PRLR: variants seen among roughly 807,000 people sequenced by gnomAD.
PRLR encodes hPRL receptor.
Under a neutral mutation model 40.2 loss-of-function variants are expected in PRLR, and 13 were observed. The observed-to-expected ratio is 0.32, with a 90% confidence interval of 0.21 to 0.51. The LOEUF is 0.51. Ranked by LOEUF, PRLR falls within the 20% of genes least tolerant of loss-of-function variation. The probability of loss-of-function intolerance (pLI) is 0.97; values close to 1 mark genes in which losing one functional copy is unlikely to be tolerated. For missense variants in PRLR, 656 were observed against 747.3 expected (o/e 0.88, Z 1.42); for synonymous variants, 269 against 278.7 (o/e 0.97, Z 0.35).
At chr5:35,192,037 G>A (rs1039137036) in intron 1 of PRLR, among the ~76,000 whole-genome samples, 51 of 152,266 alleles carry the variant, frequency 3.3e-4, no homozygotes, top group Middle Eastern at 3.4e-3. Flanking sequence ...CATGCAGGCC[G>A]TGGTCCAAGT....
At chr5:35,123,678 C>T (rs1773364308) in intron 1 of PRLR, among the ~76,000 whole-genome samples, 1 of 152,170 alleles carries the variant, frequency 6.6e-6, no homozygotes, top group Non-Finnish European at 1.5e-5. Flanking sequence ...AGTCAGGCTG[C>T]TTCTCTCTTT....
At chr5:35,138,860 A>T (rs181739152) in intron 1 of PRLR, among the ~76,000 whole-genome samples, 2 of 152,326 alleles carry the variant, frequency 1.3e-5, no homozygotes, top group East Asian at 3.9e-4. Flanking sequence ...CAAGAAAAAA[A>T]ATCTTCCAGT....
rs189401809 is a variant in PRLR at position 35,220,563 on chromosome 5, T to C, written c.-106+9705A>G. The stretch of plus-strand genomic sequence containing the variant: ...TTTATTGGGTTTTATTTATTGTTTG[T>C]TTTTAGTGTGGATATCTGTTTCCTC... On this transcript the variant is annotated intron_variant, in intron 1 of 9. Coordinates refer to ENST00000618457, the MANE Select transcript of PRLR (RefSeq NM_000949.7). Among the ~76,000 whole-genome samples, 520 of 152,314 alleles carry C rather than the reference T, an allele frequency of 3.4e-3. 4 individuals are homozygous for C. The highest frequency in any genetic ancestry group is 0.012 in the African/African-American group (505 of 41,558).
Position 35,064,963 on chromosome 5 carries a change from G to T in PRLR, c.*126C>A. ...GAGAAAGAGGCAAGTGGTTAAAAATGGAGCATGAAAGGAGCTGGGAGCTTT... is the reference window on the plus strand; with the variant it reads ...GAGAAAGAGGCAAGTGGTTAAAAATTGAGCATGAAAGGAGCTGGGAGCTTT... On this transcript the variant is annotated 3_prime_UTR_variant, in exon 10 of 10. Coordinates refer to ENST00000618457, the MANE Select transcript of PRLR (RefSeq NM_000949.7). The T allele has an allele frequency of 9.6e-7, 1 of 1,045,050 alleles. No homozygotes were observed. The highest frequency in any genetic ancestry group is 2.6e-5 in the East Asian group (1 of 39,210). The allele number at this position is 1,045,050 out of a possible 1,614,324, so 64.7% of individuals were successfully genotyped here.
intron 2 of PRLR, among the ~76,000 whole-genome samples, chr5:35,116,742 A>G (rs771074550): frequency 2.0e-5 from 3 of 152,170 alleles, no homozygotes; most frequent in African/African-American, 4.8e-5. Flanking sequence ...GGGCAGGGCT[A>G]TTATGCTGTG....
chr5:35,151,517 T>C (rs1288761417), intron 1 of PRLR, among the ~76,000 whole-genome samples: 2 of 152,186 alleles, frequency 1.3e-5, no homozygotes, highest in Non-Finnish European at 2.9e-5. Flanking sequence ...AGGTGGAGTC[T>C]GTCTCCTCTT....
intron 1 of PRLR, among the ~76,000 whole-genome samples, chr5:35,187,275 C>T (rs1452512462): frequency 2.0e-5 from 3 of 151,992 alleles, no homozygotes; most frequent in African/African-American, 7.3e-5. Flanking sequence ...ATGGTGCATG[C>T]CTGTATTCCC....
At chr5:35,152,837 C>A (rs1254282069) in intron 1 of PRLR, 1 of 152,170 alleles carries the variant, frequency 6.6e-6, no homozygotes, top group Non-Finnish European at 1.5e-5. Context: ...ATTTATTTCT[C>A]ACTCACAGCA....
intron 5 of PRLR, among the ~76,000 whole-genome samples, 195 bp from the exon 6 acceptor site, chr5:35,072,939 G>T (rs1036516660): frequency 5.9e-5 from 9 of 152,180 alleles, no homozygotes; most frequent in Admixed American, 2.0e-4. Flanking sequence ...TACAGATGAG[G>T]TTTACATGGT....
rs563473051 is a variant in PRLR, at chr5:35,097,396, A to T, written c.-43-7733T>A. On this transcript the variant is annotated intron_variant, in intron 2 of 9. Coordinates refer to ENST00000618457, the MANE Select transcript of PRLR (RefSeq NM_000949.7). ...TATTATTCCTTTCTAACAGATGAGG[A>T]CACTGAGGCCCAGAGACGGTCTGCG... Among the ~76,000 whole-genome samples, 3 of 152,322 alleles carry T rather than the reference A, an allele frequency of 2.0e-5. No individual in the cohort carries two copies. In the South Asian group the frequency reaches 6.2e-4, roughly 32 times the overall value.
intron 2 of PRLR, among the ~76,000 whole-genome samples, chr5:35,113,138 C>T (rs533806070): frequency 3.0e-4 from 46 of 151,158 alleles, no homozygotes; most frequent in Middle Eastern, 3.4e-3. Context: ...ATTTATCCAC[C>T]CACCCATTTA....
chr5:35,152,359 T>C (rs1774366099), intron 1 of PRLR, among the ~76,000 whole-genome samples: 1 of 152,232 alleles, frequency 6.6e-6, no homozygotes, highest in Non-Finnish European at 1.5e-5. Flanking sequence ...TATTGTGGGA[T>C]GATTTATGTT....
intron 5 of PRLR, 143 bp downstream of exon 5, chr5:35,084,327 G>C (rs926722731): frequency 2.5e-6 from 2 of 808,086 alleles, no homozygotes; most frequent in African/African-American, 3.6e-5. Flanking sequence ...GATTTGAACT[G>C]TTCTGTTGAC....
intron 1 of PRLR, among the ~76,000 whole-genome samples, chr5:35,154,900 C>T (rs187860053): frequency 2.2e-4 from 34 of 152,156 alleles, no homozygotes; most frequent in Non-Finnish European, 4.4e-4. Flanking sequence ...GAAAACCAAA[C>T]ACTACATGTT....
intron 1 of PRLR, among the ~76,000 whole-genome samples, chr5:35,225,929 G>A (rs1282531969): frequency 1.3e-5 from 2 of 152,138 alleles, no homozygotes; most frequent in Admixed American, 6.5e-5. Flanking sequence ...CAATCCACCC[G>A]CCTCGGCCTC....
chr5:35,051,894 A>C (rs2112323855), downstream of PRLR, among the ~76,000 whole-genome samples: 1 of 152,332 alleles, frequency 6.6e-6, no homozygotes, highest in Non-Finnish European at 1.5e-5. Flanking sequence ...TCCCAGGAAA[A>C]TCCAAATTAG....
intron 1 of PRLR, among the ~76,000 whole-genome samples, chr5:35,126,904 T>C (rs963108866): frequency 1.3e-5 from 2 of 152,166 alleles, no homozygotes; most frequent in African/African-American, 4.8e-5. Flanking sequence ...GAGAAAGAGA[T>C]GGGCTAAATA....
intron 1 of PRLR, among the ~76,000 whole-genome samples, chr5:35,211,285 A>T (rs1167776073): frequency 6.6e-6 from 1 of 152,082 alleles, no homozygotes; most frequent in Admixed American, 6.5e-5. Flanking sequence ...TCCTTGCTAT[A>T]GTCAAAAGGT....
intron 1 of PRLR, among the ~76,000 whole-genome samples, chr5:35,163,518 C>T (rs902202866): frequency 3.9e-5 from 6 of 152,178 alleles, no homozygotes; most frequent in Non-Finnish European, 8.8e-5. Flanking sequence ...GAAAGGCTTA[C>T]ATTAGAACAT....
Sources: allele counts gnomAD v4.1 joint callset (sites outside exome capture counted in the v4.1 genomes callset), GRCh38; gene constraint gnomAD v4.1.1; transcripts MANE v1.5; gene names NCBI Gene and HGNC (gene_info 2026-07-23, HGNC 2026-07-21).